Variants in JAZF1 observed in about 807,000 individuals in gnomAD.
JAZF1 encodes JAZF zinc finger 1.
In JAZF1, 8 loss-of-function variants were observed where a neutral mutation model predicts 26.4. The ratio of observed to expected loss-of-function variants is 0.30; its 90% CI spans 0.18 to 0.55. JAZF1 has a LOEUF of 0.55. JAZF1 is among the 20% of genes least tolerant of loss of function. JAZF1 has a pLI of 0.94. For synonymous variants in JAZF1, 126 were observed against 122.3 expected, an observed-to-expected ratio of 1.03 and a Z score of -0.20; for missense variants, 199 against 322.0, an observed-to-expected ratio of 0.62 and a Z score of 2.92.
At chr7:28,136,825 G>A (rs1241876135) in intron 1 of JAZF1, among the ~76,000 whole-genome samples, 3 of 152,188 alleles carry the variant, frequency 2.0e-5, no homozygotes, top group Non-Finnish European at 2.9e-5. Context: ...AGGAAGATGA[G>A]GGACTTCCAG....
Position 27,832,789 on chromosome 7 carries a change from T to G in JAZF1, c.*11A>C. On this transcript the variant is annotated 3_prime_UTR_variant, in exon 5 of 5. Transcript: ENST00000283928. ...TGGTGAGGATTTCTTGGCACAGTTA[T>G]GACCAGCATGTTATTGCTGCATCTT... The G allele has an allele frequency of 6.4e-7, 1 of 1,551,398 alleles. No individual in the cohort carries two copies. Among genetic ancestry groups the G allele is most frequent in the Non-Finnish European group, 8.7e-7 (1 of 1,144,758 alleles).
At chr7:27,944,196 G>GCAACAAGGAACATAATACATGTGCC (rs1466973346) in intron 2 of JAZF1, among the ~76,000 whole-genome samples, 39 of 152,182 alleles carry the variant, frequency 2.6e-4, no homozygotes, top group Non-Finnish European at 5.1e-4. Context: ...GAACCCTTTA[G>GCAACAAGGAACATAATACATGTGCC]CAACAAGGAA....
chr7:28,108,754 G>T (rs1339053822), intron 1 of JAZF1, among the ~76,000 whole-genome samples: 1 of 152,190 alleles, frequency 6.6e-6, no homozygotes, highest in East Asian at 1.9e-4. Context: ...CTGCACTCCT[G>T]TGTTCACTGA....
At chr7:28,001,502 T>C (rs1786161532) in intron 1 of JAZF1, among the ~76,000 whole-genome samples, 1 of 152,204 alleles carries the variant, frequency 6.6e-6, no homozygotes, top group Admixed American at 6.5e-5. Context: ...GAGGAACTTC[T>C]TGAAAGAAAA....
chr7:27,896,004 G>T (rs557897398), intron 2 of JAZF1, among the ~76,000 whole-genome samples: 1 of 152,270 alleles, frequency 6.6e-6, no homozygotes, highest in South Asian at 2.1e-4. Flanking sequence ...CTAGTCCCCA[G>T]TTCCTAGCAC....
chr7:28,117,949 A>G (rs1784772325), intron 1 of JAZF1, among the ~76,000 whole-genome samples: 1 of 152,226 alleles, frequency 6.6e-6, no homozygotes, highest in South Asian at 2.1e-4. Context: ...AACTCACAGA[A>G]TTCTGGTTTA....
intron 1 of JAZF1, among the ~76,000 whole-genome samples, chr7:28,126,840 G>A (rs740124): frequency 0.011 from 1,723 of 152,274 alleles, 36 homozygotes; most frequent in African/African-American, 0.039. Context: ...AGAGAAGAGT[G>A]AGTCCACGGA....
At chr7:27,870,628 G>A (rs796991468) in intron 3 of JAZF1, among the ~76,000 whole-genome samples, 11 of 152,232 alleles carry the variant, frequency 7.2e-5, no homozygotes, top group African/African-American at 2.6e-4. Context: ...TGGGGAGGGG[G>A]TGACCTGTCC....
intron 1 of JAZF1, among the ~76,000 whole-genome samples, chr7:28,027,903 C>T (rs923533633): frequency 3.3e-5 from 5 of 152,212 alleles, no homozygotes; most frequent in African/African-American, 1.2e-4. Context: ...ACAGGGCTAT[C>T]AGCTTCACTG....
chr7:27,832,315 CACAAAT>C lies in JAZF1; in HGVS notation c.*479_*484del, dbSNP rs1481921059. 1.4e-5 allele frequency: 3 copies of C among 215,050 alleles called. No homozygotes were observed. In the Admixed American group the frequency reaches 1.8e-4, roughly 13 times the overall value. 13.3% of individuals were successfully genotyped at this position (215,050 alleles called of 1,614,324 possible). On this transcript the variant is annotated 3_prime_UTR_variant, in exon 5 of 5. Coordinates refer to ENST00000283928, the MANE Select transcript of JAZF1 (RefSeq NM_175061.4). ...TTCCATTACCTAAAGTCTTTCTACT[CACAAAT>C]ACTAACTCCATTATGTAAGGCATGG...
intron 1 of JAZF1, among the ~76,000 whole-genome samples, chr7:28,170,337 ATG>A (rs61200785): frequency 0.032 from 3,172 of 97,898 alleles, 17 homozygotes; most frequent in Non-Finnish European, 0.044. Context: ...AGAAGTTGAT[ATG>A]TGTGTGTGTG....
At chr7:27,850,159 C>T (rs989394301) in intron 3 of JAZF1, among the ~76,000 whole-genome samples, 6 of 152,182 alleles carry the variant, frequency 3.9e-5, no homozygotes, top group Non-Finnish European at 5.9e-5. Flanking sequence ...CTGGCAAATA[C>T]ATTAGCAAAG....
intron 1 of JAZF1, among the ~76,000 whole-genome samples, chr7:28,112,801 G>A (rs1784683263): frequency 1.3e-5 from 2 of 152,178 alleles, no homozygotes; most frequent in South Asian, 4.1e-4. Context: ...GACCTCGAGT[G>A]CTTAAGAGAA....
chr7:27,944,423 C>A (rs1435518592), intron 2 of JAZF1, among the ~76,000 whole-genome samples: 5 of 152,192 alleles, frequency 3.3e-5, no homozygotes, highest in Admixed American at 1.3e-4. Flanking sequence ...GAAGAATATG[C>A]TTGTTGACAC....
chr7:28,062,874 T>C (rs1459388713), intron 1 of JAZF1, among the ~76,000 whole-genome samples: 3 of 152,348 alleles, frequency 2.0e-5, no homozygotes, highest in African/African-American at 7.2e-5. Flanking sequence ...CTGACACTGT[T>C]TAATTCTCAT....
chr7:28,100,315 A>T (rs1367590853), intron 1 of JAZF1, among the ~76,000 whole-genome samples: 1 of 152,246 alleles, frequency 6.6e-6, no homozygotes, highest in Non-Finnish European at 1.5e-5. Flanking sequence ...TTAGATTAGC[A>T]TCTCTCTGAG....
At chr7:27,849,141 C>T (rs990791771) in intron 3 of JAZF1, among the ~76,000 whole-genome samples, 6 of 152,116 alleles carry the variant, frequency 3.9e-5, no homozygotes, top group East Asian at 1.9e-4. Context: ...CCCTGTGTGA[C>T]GGGGAGAACA....
intron 2 of JAZF1, among the ~76,000 whole-genome samples, chr7:27,949,827 A>T (rs1784980770): frequency 6.6e-6 from 1 of 152,240 alleles, no homozygotes. Context: ...AGACAATGCC[A>T]ATCGTTAAAA....
Position 28,092,290 on chromosome 7 carries a change from C to CAAAAAAAAAA in JAZF1, c.115+88163_115+88172dup, listed in dbSNP as rs749913273. ...AACATCCCATTTCAGGGACAAAAGG[C>CAAAAAAAAAA]AAAAAAAAAAAAAAAAAAAAAAAAA... On this transcript the variant is annotated intron_variant, in intron 1 of 4. Transcript: ENST00000283928. Among the ~76,000 whole-genome samples the CAAAAAAAAAA allele has an allele frequency of 5.1e-3, 65 of 12,802 alleles. 24 individuals carry two copies. Among genetic ancestry groups the CAAAAAAAAAA allele is most frequent in the Non-Finnish European group, 8.3e-3 (43 of 5,182 alleles). 8.4% of individuals were successfully genotyped at this position (12,802 alleles called of 152,430 possible).
Sources: allele counts gnomAD v4.1 joint callset (sites outside exome capture counted in the v4.1 genomes callset), GRCh38; gene constraint gnomAD v4.1.1; transcripts MANE v1.5; gene names NCBI Gene and HGNC (gene_info 2026-07-23, HGNC 2026-07-21).